Variants in CIB4 observed in about 807,000 individuals in gnomAD.
The protein encoded by CIB4 is calcium and integrin binding family member 4.
Under a neutral mutation model 25.8 loss-of-function variants are expected in CIB4, and 25 were observed. The ratio of observed to expected loss-of-function variants is 0.97; its 90% CI spans 0.71 to 1.35. The LOEUF (loss-of-function observed/expected upper bound fraction) is 1.35. Ranked by LOEUF, CIB4 falls within the 40% of genes most tolerant of loss-of-function variation. The probability of loss-of-function intolerance (pLI) is 0.00; values close to 1 mark genes in which losing one functional copy is unlikely to be tolerated. For synonymous variants in CIB4, 75 were observed against 81.4 expected (o/e 0.92, Z 0.42); for missense variants, 235 against 228.2 (o/e 1.03, Z -0.19).
intron 2 of CIB4, among the ~76,000 whole-genome samples, chr2:26,635,035 C>T (rs1370413059): frequency 3.3e-5 from 5 of 152,258 alleles, no homozygotes; most frequent in Non-Finnish European, 7.3e-5. Flanking sequence ...GCACGGTCTG[C>T]AGTCACCGCC....
At chr2:26,606,477 G>A (rs561797432) in intron 3 of CIB4, among the ~76,000 whole-genome samples, 11 of 152,248 alleles carry the variant, frequency 7.2e-5, no homozygotes, top group Admixed American at 2.6e-4. Context: ...AAGAGGCAGG[G>A]CCAGAGGACT....
chr2:26,632,715 G>A (rs192157573), intron 2 of CIB4, among the ~76,000 whole-genome samples: 12 of 150,308 alleles, frequency 8.0e-5, no homozygotes, highest in South Asian at 4.2e-4. Flanking sequence ...CTGAGATTGC[G>A]CCATTGCACG....
intron 3 of CIB4, among the ~76,000 whole-genome samples, chr2:26,612,816 G>A (rs1669021677): frequency 1.3e-5 from 2 of 152,216 alleles, no homozygotes; most frequent in South Asian, 2.1e-4. Flanking sequence ...AGTTTACAGA[G>A]TATGGGACAA....
intron 3 of CIB4, among the ~76,000 whole-genome samples, chr2:26,604,807 A>G (rs145964928): frequency 6.6e-6 from 1 of 152,244 alleles, no homozygotes; most frequent in Admixed American, 6.5e-5. Context: ...ATCCTTTTCA[A>G]GAAGACAAAT....
chr2:26,589,987 C>G (rs1398351450), intron 4 of CIB4, among the ~76,000 whole-genome samples: 2 of 152,180 alleles, frequency 1.3e-5, no homozygotes, highest in Admixed American at 6.5e-5. Flanking sequence ...GAACAGGAAG[C>G]TTGAAGGAGC....
At chr2:26,605,364 A>G (rs1668868652) in intron 3 of CIB4, 1 of 321,590 alleles carries the variant, frequency 3.1e-6, no homozygotes, top group Non-Finnish European at 6.5e-6. Context: ...GGGAAAGTGT[A>G]TCAGCTGGTG....
chr2:26,640,930 G>A (rs1370805649), intron 1 of CIB4, among the ~76,000 whole-genome samples: 1 of 152,180 alleles, frequency 6.6e-6, no homozygotes, highest in African/African-American at 2.4e-5. Context: ...CCGCTACCCC[G>A]CCTGGTAAAC....
intron 4 of CIB4, among the ~76,000 whole-genome samples, chr2:26,592,586 T>C (rs977622353): frequency 6.6e-6 from 1 of 152,186 alleles, no homozygotes; most frequent in African/African-American, 2.4e-5. Context: ...TCCACCTAGA[T>C]ACATGTTAGA....
At chr2:26,601,895 A>G (rs1453447586) in intron 3 of CIB4, among the ~76,000 whole-genome samples, 1 of 152,248 alleles carries the variant, frequency 6.6e-6, no homozygotes, top group South Asian at 2.1e-4. Flanking sequence ...TCAGACACAA[A>G]GGGCTACATA....
intron 6 of CIB4, among the ~76,000 whole-genome samples, chr2:26,582,572 C>T (rs1314534532): frequency 6.6e-6 from 1 of 152,186 alleles, no homozygotes; most frequent in Non-Finnish European, 1.5e-5. Context: ...ACAGGGAATG[C>T]TCTGAGGTTG....
chr2:26,589,483 A>T (rs1452745132), intron 4 of CIB4, among the ~76,000 whole-genome samples: 1 of 151,836 alleles, frequency 6.6e-6, no homozygotes, highest in African/African-American at 2.4e-5. Context: ...CACCATGCCT[A>T]GCTAGTTTTT....
In CIB4 at chr2:26,621,791, A is replaced by C. The variant is rs114058236; in HGVS notation, c.186+7619T>G. ...AGGTGGTAACATATACCAGGCTCAG[A>C]GGGCAACCCAGTCCTGGTTAGAGAA... On this transcript the variant is annotated intron_variant, in intron 3 of 6. Transcript: ENST00000288861. Among the ~76,000 whole-genome samples, 349 of 152,282 alleles carry C rather than the reference A, an allele frequency of 2.3e-3. 1 individual carries two copies. Among genetic ancestry groups the C allele is most frequent in the Non-Finnish European group, 2.7e-3 (187 of 68,016 alleles).
chr2:26,625,222 C>T (rs1182110422), intron 3 of CIB4, among the ~76,000 whole-genome samples: 4 of 152,270 alleles, frequency 2.6e-5, no homozygotes, highest in African/African-American at 4.8e-5. Context: ...TGACAGAAAG[C>T]GCATTCCCTC....
In CIB4 at chr2:26,589,636, G is replaced by C. The variant is rs148772054; in HGVS notation, c.328+5540C>G. On this transcript the variant is annotated intron_variant, in intron 4 of 6. Coordinates refer to ENST00000288861, the MANE Select transcript of CIB4 (RefSeq NM_001029881.3). ...TGCACCCAGCCCCTGCTGGATTCTT[G>C]ACCAAAAGCCATTCTCCTGTCTTTC... is the stretch of plus-strand genomic sequence containing the variant. Among the ~76,000 whole-genome samples, 966 of 152,276 alleles carry C rather than the reference G, an allele frequency of 6.3e-3. 6 individuals are homozygous for C. The highest frequency in any genetic ancestry group is 0.014 in the South Asian group (67 of 4,822).
chr2:26,624,911 A>C (rs1166274092), intron 3 of CIB4, among the ~76,000 whole-genome samples: 1 of 152,136 alleles, frequency 6.6e-6, no homozygotes, highest in African/African-American at 2.4e-5. Flanking sequence ...AATAACTTAG[A>C]GGGTAATTGG....
intron 4 of CIB4, among the ~76,000 whole-genome samples, chr2:26,586,738 G>T (rs1554903): frequency 6.6e-6 from 1 of 152,130 alleles, no homozygotes; most frequent in Non-Finnish European, 1.5e-5. Flanking sequence ...AACTGCCTTT[G>T]TTGCAATAAA....
intron 3 of CIB4, among the ~76,000 whole-genome samples, chr2:26,619,623 G>A (rs2148216585): frequency 6.6e-6 from 1 of 152,250 alleles, no homozygotes; most frequent in Middle Eastern, 3.4e-3. Context: ...GACCTGACAG[G>A]GAAACAACAG....
chr2:26,584,133 C>G (rs1291800590), intron 4 of CIB4, among the ~76,000 whole-genome samples: 1 of 152,208 alleles, frequency 6.6e-6, no homozygotes, highest in Admixed American at 6.5e-5. Flanking sequence ...GCTCAGACCT[C>G]TCCTGAGAGC....
At chr2:26,628,593 G>A (rs1669352610) in intron 3 of CIB4, among the ~76,000 whole-genome samples, 1 of 152,222 alleles carries the variant, frequency 6.6e-6, no homozygotes. Flanking sequence ...AGCCCAGGCA[G>A]CGCTGGCTGA....
Sources: allele counts gnomAD v4.1 joint callset (sites outside exome capture counted in the v4.1 genomes callset), GRCh38; gene constraint gnomAD v4.1.1; transcripts MANE v1.5; gene names NCBI Gene and HGNC (gene_info 2026-07-23, HGNC 2026-07-21).